Variants in FAM151B observed in about 807,000 individuals in gnomAD.
The protein encoded by FAM151B is protein FAM151B.
A neutral mutation model predicts 31.2 loss-of-function variants in FAM151B; 24 were observed. The ratio of observed to expected loss-of-function variants is 0.77; its 90% CI spans 0.56 to 1.08. The LOEUF is 1.08. Among genes scored for constraint, FAM151B ranks in the 50% least tolerant of loss-of-function variants. FAM151B has a pLI of 0.00. For missense variants in FAM151B, 293 were observed against 328.6 expected, an observed-to-expected ratio of 0.89 and a Z score of 0.84; for synonymous variants, 105 against 111.4, an observed-to-expected ratio of 0.94 and a Z score of 0.36.
At chr5:80,531,736 A>G (rs1745253574) in intron 5 of FAM151B, among the ~76,000 whole-genome samples, 1 of 152,232 alleles carries the variant, frequency 6.6e-6, no homozygotes, top group Non-Finnish European at 1.5e-5. Flanking sequence ...GTCAGGAAAT[A>G]ACAGGTGCTG....
intron 2 of FAM151B, among the ~76,000 whole-genome samples, chr5:80,502,759 A>G (rs895122145): frequency 2.6e-5 from 4 of 152,220 alleles, no homozygotes; most frequent in Non-Finnish European, 4.4e-5. Context: ...GCATTTTTGC[A>G]TCCTAATTCA....
At chr5:80,488,300 T>C in intron 1 of FAM151B, 152 bp downstream of exon 1, 4 of 1,035,124 alleles carry the variant, frequency 3.9e-6, no homozygotes, top group Non-Finnish European at 5.3e-6. Context: ...TGGAGCCCGC[T>C]CTGCACTCGG....
chr5:80,492,771 A>T (rs563192628), intron 1 of FAM151B, among the ~76,000 whole-genome samples: 1 of 152,280 alleles, frequency 6.6e-6, no homozygotes, highest in African/African-American at 2.4e-5. Flanking sequence ...TGGGCAACGT[A>T]TCAAGACCTT....
At chr5:80,497,108 G>C (rs895627530) in intron 1 of FAM151B, among the ~76,000 whole-genome samples, 3 of 151,018 alleles carry the variant, frequency 2.0e-5, no homozygotes, top group African/African-American at 7.3e-5. Flanking sequence ...ACCATGCCCA[G>C]CCTAATTTTT....
Position 80,505,988 on chromosome 5 carries a change from C to A in FAM151B, c.151+4071C>A, listed in dbSNP as rs185356072. On this transcript the variant is annotated intron_variant, in intron 2 of 5. Transcript: ENST00000282226. Reference sequence around the variant, plus strand: ...GGCCAGACTGGTCTCGAACTCCTGACCTCATGATCCGCCTGCCTTGGCCTC... The same window carrying A: ...GGCCAGACTGGTCTCGAACTCCTGAACTCATGATCCGCCTGCCTTGGCCTC... 87 of 595,464 alleles carry A rather than the reference C, an allele frequency of 1.5e-4. No homozygotes were observed. The African/African-American group carries it at 1.6e-3, about 11-fold the overall frequency. 36.9% of individuals were successfully genotyped at this position (595,464 alleles called of 1,614,324 possible).
intron 2 of FAM151B, among the ~76,000 whole-genome samples, chr5:80,509,946 G>A (rs249008): frequency 0.41 from 61,630 of 151,924 alleles, 14,024 homozygotes; most frequent in African/African-American, 0.63. Context: ...CAAGCTTCCA[G>A]TAAGAATTTC....
Position 80,541,676 on chromosome 5 carries a change from C to G in FAM151B, c.675C>G (p.Tyr225Ter). Residue 225 changes from tyrosine (Y) to a stop codon, truncating the protein, a stop_gained, in exon 6 of 6, where the codon TAC becomes TAG. Transcript: ENST00000282226. LOFTEE classifies it high-confidence loss of function. ...ATTCTGTTTTATTTCAATGCAGGTA[C>G]AGCCTGACTATTTGGACTGGAAAAA... ...LLWLLKKSNR[Y>*]SLTIWTGKND... 1 of 1,613,234 alleles carries G rather than the reference C, an allele frequency of 6.2e-7. No individual in the cohort carries two copies. The highest frequency in any genetic ancestry group is 8.5e-7 in the Non-Finnish European group (1 of 1,179,518).
intron 2 of FAM151B, among the ~76,000 whole-genome samples, chr5:80,509,295 T>A (rs766561293): frequency 6.6e-5 from 10 of 152,068 alleles, no homozygotes; most frequent in Non-Finnish European, 1.5e-4. Flanking sequence ...GAAATTTAAT[T>A]GCCAGTGTAA....
intron 3 of FAM151B, among the ~76,000 whole-genome samples, chr5:80,517,930 G>A (rs1744535228): frequency 6.6e-6 from 1 of 151,996 alleles, no homozygotes; most frequent in African/African-American, 2.4e-5. Flanking sequence ...AAATTAGCTG[G>A]GTGTGGTGGC....
intron 3 of FAM151B, among the ~76,000 whole-genome samples, chr5:80,514,112 TTTATG>T (rs1374403064): frequency 2.6e-5 from 4 of 152,290 alleles, no homozygotes; most frequent in African/African-American, 9.6e-5. Flanking sequence ...CCCTATTTGA[TTTATG>T]TTATTATATT....
intron 5 of FAM151B, among the ~76,000 whole-genome samples, chr5:80,538,723 A>G (rs1469567610): frequency 6.6e-6 from 1 of 151,372 alleles, no homozygotes. Context: ...CAACCTCCCC[A>G]GTAGCTGGGA....
At chr5:80,500,515 G>A (rs759039627) in intron 1 of FAM151B, 1 of 761,028 alleles carries the variant, frequency 1.3e-6, no homozygotes, top group Non-Finnish European at 2.4e-6. Context: ...AGGAATATAG[G>A]CAGATATACA....
At chr5:80,515,472 G>C (rs1744395142) in intron 3 of FAM151B, among the ~76,000 whole-genome samples, 1 of 152,008 alleles carries the variant, frequency 6.6e-6, no homozygotes, top group Non-Finnish European at 1.5e-5. Flanking sequence ...GTGCTTGATG[G>C]CTTAAACTTT....
intron 1 of FAM151B, chr5:80,498,924 AG>A (rs1743643494): frequency 3.5e-6 from 1 of 289,562 alleles, no homozygotes; most frequent in Non-Finnish European, 6.8e-6. Flanking sequence ...ATTGTGTCCG[AG>A]GGTTCAACCT....
intron 5 of FAM151B, among the ~76,000 whole-genome samples, chr5:80,537,781 A>G (rs1745585419): frequency 1.3e-5 from 2 of 152,194 alleles, no homozygotes; most frequent in African/African-American, 4.8e-5. Context: ...TAAAACTACC[A>G]GCTTCTGTCA....
intron 3 of FAM151B, among the ~76,000 whole-genome samples, chr5:80,518,458 G>C (rs1228905329): frequency 6.6e-6 from 1 of 152,168 alleles, no homozygotes; most frequent in African/African-American, 2.4e-5. Context: ...TTGGATCTCA[G>C]AATTGTGGTT....
chr5:80,522,880 TTTTA>T (rs1019809562), intron 5 of FAM151B, among the ~76,000 whole-genome samples: 3 of 149,724 alleles, frequency 2.0e-5, no homozygotes, highest in African/African-American at 7.5e-5. Flanking sequence ...ATGTTAAAAA[TTTTA>T]TTTTTTTTTC....
At chr5:80,532,988 G>C (rs1745318354) in intron 5 of FAM151B, among the ~76,000 whole-genome samples, 1 of 152,160 alleles carries the variant, frequency 6.6e-6, no homozygotes, top group Non-Finnish European at 1.5e-5. Flanking sequence ...CCTAGCAGAT[G>C]CAGCAAAAGC....
chr5:80,495,357 T>C (rs923125792), intron 1 of FAM151B: 3 of 152,196 alleles, frequency 2.0e-5, no homozygotes, highest in Non-Finnish European at 4.4e-5. Flanking sequence ...TAGTGATTCC[T>C]CTGATGGATG....
Sources: allele counts gnomAD v4.1 joint callset (sites outside exome capture counted in the v4.1 genomes callset), GRCh38; gene constraint gnomAD v4.1.1; transcripts MANE v1.5; gene names NCBI Gene and HGNC (gene_info 2026-07-23, HGNC 2026-07-21).